SNUPN: variants seen among roughly 807,000 people sequenced by gnomAD.
The protein encoded by SNUPN is snurportin 1.
In SNUPN, 31 loss-of-function variants were observed where a neutral mutation model predicts 39.2. The ratio of observed to expected loss-of-function variants is 0.79; its 90% CI spans 0.59 to 1.07. The LOEUF (loss-of-function observed/expected upper bound fraction) is 1.07. Among genes scored for constraint, SNUPN ranks in the 50% least tolerant of loss-of-function variants. The probability of loss-of-function intolerance (pLI) is 0.00; values close to 1 mark genes in which losing one functional copy is unlikely to be tolerated. For missense variants in SNUPN, 382 were observed against 434.2 expected (o/e 0.88, Z 1.07); for synonymous variants, 132 against 159.0 (o/e 0.83, Z 1.28).
intron 2 of SNUPN, among the ~76,000 whole-genome samples, chr15:75,618,213 T>C (rs1892984422): frequency 6.6e-6 from 1 of 151,536 alleles, no homozygotes; most frequent in Non-Finnish European, 1.5e-5. Flanking sequence ...AGACATCTCA[T>C]CCAAAGACCC....
At chr15:75,602,907 A>G (rs972328538) in intron 7 of SNUPN, among the ~76,000 whole-genome samples, 4 of 151,686 alleles carry the variant, frequency 2.6e-5, no homozygotes, top group Non-Finnish European at 5.9e-5. Context: ...ATACCTGGCT[A>G]ATTTTTTTGT....
chr15:75,605,113 C>T (rs747328482), intron 7 of SNUPN, 37 bp downstream of exon 7: 3 of 1,326,258 alleles, frequency 2.3e-6, no homozygotes, highest in South Asian at 2.4e-5. Context: ...ACACTACTCC[C>T]CATAAGGAAC....
intron 3 of SNUPN, among the ~76,000 whole-genome samples, chr15:75,612,176 G>A (rs1892801137): frequency 6.6e-6 from 1 of 151,912 alleles, no homozygotes; most frequent in African/African-American, 2.4e-5. Flanking sequence ...GGGACTACAG[G>A]CACACGCCAC....
chr15:75,602,668 C>T (rs1370510567), intron 7 of SNUPN, among the ~76,000 whole-genome samples: 3 of 151,782 alleles, frequency 2.0e-5, no homozygotes, highest in East Asian at 2.0e-4. Flanking sequence ...TGCAGTGGCA[C>T]AATCACAGCT....
At chr15:75,603,521 C>T (rs1048127109) in intron 7 of SNUPN, among the ~76,000 whole-genome samples, 4 of 150,938 alleles carry the variant, frequency 2.7e-5, no homozygotes, top group African/African-American at 9.7e-5. Context: ...ATTAGCCGGT[C>T]GTGGTGGTGG....
Position 75,617,530 on chromosome 15 carries a change from G to A in SNUPN, c.181C>T (p.His61Tyr), listed in dbSNP as rs1444681587. The A allele has an allele frequency of 3.1e-6, 5 of 1,612,812 alleles. No individual in the cohort carries two copies. Among genetic ancestry groups the A allele is most frequent in the African/African-American group, 2.7e-5 (2 of 74,704 alleles). Residue 61 changes from histidine to tyrosine, a missense_variant, in exon 3 of 9, where the codon CAT becomes TAT. By Grantham distance (83) the His-to-Tyr change is moderately conservative (BLOSUM62 2). Coordinates refer to ENST00000308588, the MANE Select transcript of SNUPN (RefSeq NM_005701.4). ...TCATCTTCAGCCAGTCTTCTGGCAT[G>A]GTTCACATAATCCAGCCGCTTGCTG... ...QKSKRLDYVN[H>Y]ARRLAEDDWT...
At chr15:75,622,416 A>G (rs1296938426) in intron 1 of SNUPN, 2 of 985,206 alleles carry the variant, frequency 2.0e-6, no homozygotes, top group Non-Finnish European at 2.4e-6. Context: ...GAACTTCCAT[A>G]AAGTACATTA....
intron 5 of SNUPN, among the ~76,000 whole-genome samples, chr15:75,607,931 A>G (rs920294693): frequency 2.0e-5 from 3 of 152,176 alleles, no homozygotes; most frequent in African/African-American, 7.2e-5. Flanking sequence ...AGACCCAAGT[A>G]CTGATGTGGC....
chr15:75,619,022 T>TAA (rs35749195), intron 2 of SNUPN, among the ~76,000 whole-genome samples: 6 of 74,380 alleles, frequency 8.1e-5, no homozygotes, highest in Admixed American at 1.7e-4. Context: ...CTACTTGTGT[T>TAA]AAAAAAAAAA....
intron 7 of SNUPN, 114 bp downstream of exon 7, chr15:75,605,036 T>C: frequency 2.8e-6 from 2 of 707,772 alleles, no homozygotes; most frequent in Admixed American, 2.4e-5. Flanking sequence ...CTCTTCCCTT[T>C]ATACCATGCT....
At chr15:75,623,924 A>ATT (rs1480845019) in intron 1 of SNUPN, among the ~76,000 whole-genome samples, 4 of 137,234 alleles carry the variant, frequency 2.9e-5, no homozygotes, top group African/African-American at 1.1e-4. Context: ...TTCATGATAA[A>ATT]ATTTTTTTTT....
chr15:75,610,526 A>C (rs1280972067), intron 3 of SNUPN, among the ~76,000 whole-genome samples: 1 of 151,892 alleles, frequency 6.6e-6, no homozygotes, highest in Non-Finnish European at 1.5e-5. Context: ...CTGACTATGA[A>C]CTTTGGCTTC....
chr15:75,605,199 G>A lies in SNUPN; in HGVS notation c.629C>T (p.Ser210Leu). The change falls in exon 7 of 9, where the codon TCA becomes TTA. Residue 210 changes from serine to leucine, a missense_variant. By Grantham distance (145) the Ser-to-Leu change is moderately radical. Transcript: ENST00000308588. ...CAGTCCTTCTTCTTCTGGTAACTTT[G>A]AATGCATCCAGTAGAATCGGAAATC... Reference protein sequence around the residue: ...QTDFRFYWMHSKLPEEEGLGE... With the variant: ...QTDFRFYWMHLKLPEEEGLGE... 6.2e-7 allele frequency: 1 copy of A among 1,612,894 alleles called. No homozygotes were observed. The highest frequency in any genetic ancestry group is 1.3e-5 in the African/African-American group (1 of 74,888).
chr15:75,612,563 T>C (rs893990307), intron 3 of SNUPN, among the ~76,000 whole-genome samples: 6 of 152,126 alleles, frequency 3.9e-5, no homozygotes, highest in African/African-American at 1.4e-4. Flanking sequence ...ATCTCATCTA[T>C]TTCTATAGCT....
At chr15:75,619,437 T>C (rs1893015584) in intron 2 of SNUPN, among the ~76,000 whole-genome samples, 1 of 150,188 alleles carries the variant, frequency 6.7e-6, no homozygotes, top group Non-Finnish European at 1.5e-5. Flanking sequence ...AGCCTAGGAG[T>C]TCAAGATCAG....
upstream of SNUPN, chr15:75,625,898 AG>A (rs1370994613): frequency 1.3e-5 from 2 of 152,276 alleles, no homozygotes; most frequent in Non-Finnish European, 2.9e-5. Context: ...TCGGCTAGGG[AG>A]GGGGTCTTCT....
chr15:75,601,122 A>C lies in SNUPN; in HGVS notation c.759+16T>G. 6.3e-7 allele frequency: 1 copy of C among 1,586,420 alleles called. No homozygotes were observed. Among genetic ancestry groups the C allele is most frequent in the Non-Finnish European group, 8.7e-7 (1 of 1,154,730 alleles). On this transcript the variant is annotated intron_variant, in intron 8 of 8. Transcript: ENST00000308588. ...CTATCATCATGTCAAGGCAATAAAGACAATGGTTTCGTTACCTCAAAAGGG... is the reference window on the plus strand; with the variant it reads ...CTATCATCATGTCAAGGCAATAAAGCCAATGGTTTCGTTACCTCAAAAGGG...
In SNUPN at chr15:75,609,946, C is replaced by G. The variant is rs1209459755; in HGVS notation, c.352G>C (p.Glu118Gln). ...ACAGGGCACACGACCACAATCCATTCCTGCCCCAAATCTGAAGGAACGTCA... is the reference window on the plus strand; with the variant it reads ...ACAGGGCACACGACCACAATCCATTGCTGCCCCAAATCTGAAGGAACGTCA... ...LIDVPSDLGQ[E>Q]WIVVVCPVGK... Residue 118 changes from glutamate to glutamine, a missense_variant, in exon 4 of 9, where the codon GAA becomes CAA. Transcript: ENST00000308588. 1 of 1,614,142 alleles carries G rather than the reference C, an allele frequency of 6.2e-7. No homozygotes were observed.
intron 3 of SNUPN, among the ~76,000 whole-genome samples, chr15:75,611,481 T>C (rs1391758347): frequency 1.3e-5 from 2 of 151,456 alleles, no homozygotes; most frequent in Admixed American, 1.3e-4. Context: ...CTCGATCTCC[T>C]GACCTCGTGA....
Sources: gnomAD v4.1 joint callset for allele counts (sites outside exome capture counted in the v4.1 genomes callset) on GRCh38, gnomAD v4.1.1 for gene constraint, MANE v1.5 for transcripts, NCBI Gene and HGNC (gene_info 2026-07-23, HGNC 2026-07-21) for gene names.